The following ANK2 variants were observed in gnomAD, a reference collection of about 807,000 sequenced individuals.
ANK2 encodes ankyrin-2.
A neutral mutation model predicts 360.5 loss-of-function variants in ANK2; 83 were observed. That is an observed-to-expected ratio of 0.23 (90% CI 0.19 to 0.28). The LOEUF (loss-of-function observed/expected upper bound fraction) is 0.28, where lower values mean the gene tolerates loss of function less well. Among genes scored for constraint, ANK2 ranks in the 10% least tolerant of loss-of-function variants. The probability of loss-of-function intolerance (pLI) is 1.00; values close to 1 mark genes in which losing one functional copy is unlikely to be tolerated. For missense variants in ANK2, 4,201 were observed against 4,795.7 expected (o/e 0.88, Z 3.66); for synonymous variants, 1,740 against 1,759.5 (o/e 0.99, Z 0.28).
At chr4:113,225,229 G>C (rs551846836) in intron 4 of ANK2, among the ~76,000 whole-genome samples, 14 of 152,230 alleles carry the variant, frequency 9.2e-5, no homozygotes, top group Admixed American at 9.2e-4. Context: ...GGAGTTAATT[G>C]CTCAGTCTTT....
At chr4:113,380,648 C>T (rs1330521057) in intron 45 of ANK2, among the ~76,000 whole-genome samples, 2 of 152,202 alleles carry the variant, frequency 1.3e-5, no homozygotes, top group East Asian at 1.9e-4. Context: ...GGTGACAGAA[C>T]GAGACTCCGT....
At chr4:112,976,047 T>G (rs2041286553) in intron 2 of ANK2, among the ~76,000 whole-genome samples, 1 of 152,208 alleles carries the variant, frequency 6.6e-6, no homozygotes, top group Admixed American at 6.5e-5. Context: ...TGACATTTTT[T>G]TTCATTTTAT....
chr4:113,323,696 T>A, intron 26 of ANK2: 2 of 1,500,822 alleles, frequency 1.3e-6, no homozygotes, highest in Non-Finnish European at 1.8e-6. Context: ...CACTTCTGAG[T>A]TCCTTCCTTA....
chr4:112,791,474 T>TTCA, the ANK2 span, among the ~76,000 whole-genome samples: 1 of 96,326 alleles, frequency 1.0e-5, no homozygotes, highest in East Asian at 3.8e-4. Flanking sequence ...CTTCTTCTTC[T>TTCA]TCTTCTTTTT....
intron 1 of ANK2, among the ~76,000 whole-genome samples, chr4:113,103,864 G>A (rs538393929): frequency 3.3e-5 from 5 of 152,216 alleles, no homozygotes; most frequent in South Asian, 4.1e-4. Flanking sequence ...AGATGTTTAA[G>A]CTTCAATGTA....
rs762042163 is a variant in ANK2 at position 113,355,574 on chromosome 4, C to T, written c.6956C>T (p.Thr2319Ile). ...KEATLGSPKD[T>I]SPKRQDDCTG... ...GCCACTCTAGGCTCTCCCAAAGACACAAGCCCTAAAAGACAAGATGATTGC... is the reference window on the plus strand; with the variant it reads ...GCCACTCTAGGCTCTCCCAAAGACATAAGCCCTAAAAGACAAGATGATTGC... The change falls in exon 38 of 46, where the codon ACA becomes ATA. Residue 2319 changes from threonine to isoleucine, a missense_variant. Coordinates refer to ENST00000357077, the MANE Select transcript of ANK2 (RefSeq NM_001148.6). 2 of 1,614,106 alleles carry T rather than the reference C, an allele frequency of 1.2e-6. No individual in the cohort carries two copies. Among genetic ancestry groups the T allele is most frequent in the Admixed American group, 3.3e-5 (2 of 60,030 alleles).
At chr4:112,728,515 C>T in the ANK2 span, among the ~76,000 whole-genome samples, 3 of 151,744 alleles carry the variant, frequency 2.0e-5, no homozygotes, top group Non-Finnish European at 2.9e-5. Context: ...CTTTGGGAAG[C>T]TAAGGTAGGA....
At chr4:112,730,944 T>A in the ANK2 span, among the ~76,000 whole-genome samples, 5 of 150,502 alleles carry the variant, frequency 3.3e-5, no homozygotes, top group African/African-American at 1.2e-4. Context: ...TCGAGACCAT[T>A]CCGGCCAACA....
At chr4:112,805,638 A>ATCT in the ANK2 span, among the ~76,000 whole-genome samples, 67 of 148,662 alleles carry the variant, frequency 4.5e-4, 1 homozygote, top group African/African-American at 1.5e-3. Context: ...CTGGAGTGCA[A>ATCT]TGGGGTGATC....
chr4:112,877,089 C>T (rs1580306468), intron 1 of ANK2, among the ~76,000 whole-genome samples: 1 of 152,152 alleles, frequency 6.6e-6, no homozygotes, highest in South Asian at 2.1e-4. Flanking sequence ...CACCTTTCCC[C>T]CTTTAGTTTC....
chr4:112,762,323 T>C, the ANK2 span, among the ~76,000 whole-genome samples: 8 of 152,234 alleles, frequency 5.3e-5, no homozygotes, highest in African/African-American at 1.9e-4. Flanking sequence ...AAATGTCTAC[T>C]CTTAATAAAG....
At chr4:112,783,940 C>T in the ANK2 span, among the ~76,000 whole-genome samples, 15 of 152,154 alleles carry the variant, frequency 9.9e-5, no homozygotes, top group Admixed American at 4.6e-4. Flanking sequence ...TGAGCCACCG[C>T]GCCTGGCTTA....
chr4:113,216,744 G>A (rs570394521), intron 4 of ANK2, among the ~76,000 whole-genome samples: 7 of 152,244 alleles, frequency 4.6e-5, no homozygotes, highest in Non-Finnish European at 1.0e-4. Context: ...CAAGTATAAC[G>A]AGTGGGCAGA....
intron 1 of ANK2, among the ~76,000 whole-genome samples, chr4:113,078,239 C>T (rs975153248): frequency 1.3e-5 from 2 of 152,162 alleles, no homozygotes; most frequent in Admixed American, 6.5e-5. Flanking sequence ...AATGTGATCT[C>T]AAAATGGACT....
At chr4:112,952,015 C>T (rs2095053864) in intron 2 of ANK2, among the ~76,000 whole-genome samples, 1 of 152,148 alleles carries the variant, frequency 6.6e-6, no homozygotes, top group African/African-American at 2.4e-5. Context: ...TATTTCTCAC[C>T]ATTGTACAAA....
the ANK2 span, among the ~76,000 whole-genome samples, chr4:112,778,750 G>A: frequency 6.6e-6 from 1 of 152,208 alleles, no homozygotes; most frequent in Non-Finnish European, 1.5e-5. Flanking sequence ...GTGTTTAGGG[G>A]AATGTGGAAT....
intron 21 of ANK2, 35 bp from the exon 22 acceptor site, chr4:113,293,401 CTCTT>C: frequency 6.4e-7 from 1 of 1,571,968 alleles, no homozygotes; most frequent in Non-Finnish European, 8.7e-7. Flanking sequence ...GCAGTCCTCT[CTCTT>C]ATTTCTCACT....
intron 1 of ANK2, among the ~76,000 whole-genome samples, chr4:113,076,300 G>A (rs999791866): frequency 1.3e-5 from 2 of 152,200 alleles, no homozygotes; most frequent in Non-Finnish European, 1.5e-5. Context: ...TGTGGCCTGC[G>A]GGCCAAGGGT....
At chr4:113,127,384 T>G (rs1176664411) in intron 1 of ANK2, among the ~76,000 whole-genome samples, 2 of 152,072 alleles carry the variant, frequency 1.3e-5, no homozygotes, top group African/African-American at 4.8e-5. Flanking sequence ...TTTAGATAGA[T>G]ATTTAAGGTC....
Sources: allele counts gnomAD v4.1 joint callset (sites outside exome capture counted in the v4.1 genomes callset), GRCh38; gene constraint gnomAD v4.1.1; transcripts MANE v1.5; gene names NCBI Gene and HGNC (gene_info 2026-07-23, HGNC 2026-07-21).